Variants in NEGR1 observed in about 807,000 individuals in gnomAD.
The protein encoded by NEGR1 is neuronal growth regulator 1, also known as IgLON family member 4.
NEGR1 carries 10 observed loss-of-function variants against 40.9 expected under a neutral mutation model. The observed-to-expected ratio is 0.24, with a 90% CI of 0.15 to 0.42. The LOEUF is 0.42. Among genes scored for constraint, NEGR1 ranks in the 10% least tolerant of loss-of-function variants. NEGR1 has a pLI of 1.00. For synonymous variants in NEGR1, 185 were observed against 166.8 expected (o/e 1.11, Z -0.84); for missense variants, 352 against 438.9 (o/e 0.80, Z 1.77).
intron 1 of NEGR1, among the ~76,000 whole-genome samples, chr1:71,944,678 A>G (rs1416243513): frequency 6.6e-6 from 1 of 152,202 alleles, no homozygotes; most frequent in African/African-American, 2.4e-5. Context: ...TAAAAAGCAA[A>G]ATGAATTCTG....
chr1:71,569,097 T>C (rs1305722968), intron 6 of NEGR1, among the ~76,000 whole-genome samples: 1 of 151,972 alleles, frequency 6.6e-6, no homozygotes, highest in East Asian at 1.9e-4. Flanking sequence ...TTTGTATTTT[T>C]AGTAGAGACA....
At chr1:71,770,611 A>T (rs1656283787) in intron 3 of NEGR1, among the ~76,000 whole-genome samples, 1 of 152,240 alleles carries the variant, frequency 6.6e-6, no homozygotes, top group South Asian at 2.1e-4. Flanking sequence ...GAAAGCATAG[A>T]AGTAAACAAA....
At chr1:71,692,051 A>C (rs1254354128) in intron 4 of NEGR1, among the ~76,000 whole-genome samples, 5 of 151,562 alleles carry the variant, frequency 3.3e-5, no homozygotes, top group Admixed American at 2.6e-4. Context: ...CTGTATTAAA[A>C]CTATGGGTTT....
In NEGR1 at chr1:71,619,244, T is replaced by C. The variant is rs144421160; in HGVS notation, c.668-8098A>G. Among the ~76,000 whole-genome samples the C allele has an allele frequency of 1.6e-3, 244 of 152,202 alleles. 1 individual carries two copies. Among genetic ancestry groups the C allele is most frequent in the African/African-American group, 5.5e-3 (227 of 41,546 alleles). On this transcript the variant is annotated intron_variant, in intron 4 of 6. Transcript: ENST00000357731. ...TATTCCATGTTTTAAGTAATCACAG[T>C]GGGCTCTTTCTTAGAAAGATGATCA...
chr1:71,645,254 G>A (rs1651492562), intron 4 of NEGR1, among the ~76,000 whole-genome samples: 1 of 151,976 alleles, frequency 6.6e-6, no homozygotes, highest in Non-Finnish European at 1.5e-5. Flanking sequence ...CACTTTCAGA[G>A]TGCTTTGCAC....
chr1:71,413,206 C>A (rs1027778561), intron 6 of NEGR1, among the ~76,000 whole-genome samples: 2 of 152,076 alleles, frequency 1.3e-5, no homozygotes, highest in Non-Finnish European at 2.9e-5. Flanking sequence ...TATAAACCAC[C>A]CAGTACAGCA....
At chr1:72,238,755 C>T (rs1654642078) in intron 1 of NEGR1, among the ~76,000 whole-genome samples, 1 of 151,842 alleles carries the variant, frequency 6.6e-6, no homozygotes, top group Admixed American at 6.6e-5. Flanking sequence ...CCCACTCTTC[C>T]TAAAAAGCTT....
At chr1:71,542,356 G>A (rs1647735781) in intron 6 of NEGR1, among the ~76,000 whole-genome samples, 1 of 151,700 alleles carries the variant, frequency 6.6e-6, no homozygotes, top group Admixed American at 6.6e-5. Flanking sequence ...ATTCTTTGCT[G>A]GTACGAGCCT....
intron 1 of NEGR1, among the ~76,000 whole-genome samples, chr1:72,059,673 T>C (rs2100491455): frequency 6.6e-6 from 1 of 151,792 alleles, no homozygotes; most frequent in African/African-American, 2.4e-5. Context: ...AACAGTAATT[T>C]CCTCTATTTT....
chr1:71,644,230 C>T (rs1642869168), intron 4 of NEGR1, among the ~76,000 whole-genome samples: 1 of 151,918 alleles, frequency 6.6e-6, no homozygotes, highest in Admixed American at 6.6e-5. Flanking sequence ...TGGGTTTTAG[C>T]ACTAGTTTTT....
chr1:72,025,782 G>T (rs1172952018), intron 1 of NEGR1, among the ~76,000 whole-genome samples: 1 of 152,080 alleles, frequency 6.6e-6, no homozygotes, highest in African/African-American at 2.4e-5. Flanking sequence ...CAAAAACTAC[G>T]TTGCAGTTCT....
In NEGR1 at chr1:71,778,551, T is replaced by C. The variant is rs533229267; in HGVS notation, c.410-2254A>G. On this transcript the variant is annotated intron_variant, in intron 2 of 6. Transcript: ENST00000357731. ...ACCTTATCATAACATGAGGAGCATC[T>C]GTATTCATAAACATACATACAGTGC... Among the ~76,000 whole-genome samples the C allele has an allele frequency of 2.0e-5, 3 of 152,302 alleles. No homozygotes were observed. In the East Asian group the frequency reaches 5.8e-4, roughly 29 times the overall value.
At chr1:71,952,240 T>C (rs1238878638) in intron 1 of NEGR1, among the ~76,000 whole-genome samples, 1 of 151,918 alleles carries the variant, frequency 6.6e-6, no homozygotes, top group Non-Finnish European at 1.5e-5. Flanking sequence ...GTTAGCCAAA[T>C]GGTGAATGTA....
At chr1:71,786,783 T>A (rs1656925546) in intron 2 of NEGR1, among the ~76,000 whole-genome samples, 1 of 152,154 alleles carries the variant, frequency 6.6e-6, no homozygotes, top group Non-Finnish European at 1.5e-5. Context: ...TAAATTGGAG[T>A]AGGCTCTTGG....
intron 1 of NEGR1, among the ~76,000 whole-genome samples, chr1:72,250,745 T>G (rs1655059880): frequency 2.0e-5 from 3 of 152,184 alleles, no homozygotes; most frequent in Admixed American, 1.3e-4. Flanking sequence ...TGTGCTCTTT[T>G]TGACATAATT....
At chr1:71,664,518 A>G (rs934552969) in intron 4 of NEGR1, among the ~76,000 whole-genome samples, 11 of 152,090 alleles carry the variant, frequency 7.2e-5, no homozygotes, top group Non-Finnish European at 1.5e-4. Flanking sequence ...AGTTTTTTAC[A>G]TATCTTTTTT....
chr1:72,280,667 A>T (rs970001153), intron 1 of NEGR1, among the ~76,000 whole-genome samples: 1 of 152,210 alleles, frequency 6.6e-6, no homozygotes, highest in Non-Finnish European at 1.5e-5. Flanking sequence ...TCAAAACAGA[A>T]ATTATTAAAA....
intron 2 of NEGR1, among the ~76,000 whole-genome samples, chr1:71,924,571 C>T (rs1645754484): frequency 6.6e-6 from 1 of 152,158 alleles, no homozygotes; most frequent in Non-Finnish European, 1.5e-5. Flanking sequence ...AAAGAATGAG[C>T]AAAATCCTCA....
chr1:71,937,014 C>T (rs1645912319), intron 1 of NEGR1, among the ~76,000 whole-genome samples: 1 of 152,124 alleles, frequency 6.6e-6, no homozygotes, highest in South Asian at 2.1e-4. Context: ...CACAGAACAC[C>T]TTGGGGGATT....
Sources: allele counts gnomAD v4.1 joint callset (sites outside exome capture counted in the v4.1 genomes callset), GRCh38; gene constraint gnomAD v4.1.1; transcripts MANE v1.5; gene names NCBI Gene and HGNC (gene_info 2026-07-23, HGNC 2026-07-21).